Variants in LRP6 observed in about 807,000 individuals in gnomAD.
LRP6 encodes the protein low-density lipoprotein receptor-related protein 6.
In LRP6, 43 loss-of-function variants were observed where a neutral mutation model predicts 184.1. The ratio of observed to expected loss-of-function variants is 0.23; its 90% CI spans 0.18 to 0.30. LRP6 has a LOEUF of 0.30. LRP6 is among the 10% of genes least tolerant of loss of function. The probability of loss-of-function intolerance (pLI) is 1.00; values close to 1 mark genes in which losing one functional copy is unlikely to be tolerated. For synonymous variants in LRP6, 719 were observed against 684.9 expected (o/e 1.05, Z -0.78); for missense variants, 1,571 against 2,005.3 (o/e 0.78, Z 4.14).
chr12:12,172,772 C>T (rs769871415), intron 7 of LRP6, among the ~76,000 whole-genome samples: 6 of 152,028 alleles, frequency 3.9e-5, no homozygotes, highest in Admixed American at 1.3e-4. Flanking sequence ...TATTTATCCA[C>T]GGAAATAACA....
At chr12:12,191,774 C>A (rs1863623423) in intron 3 of LRP6, among the ~76,000 whole-genome samples, 2 of 151,766 alleles carry the variant, frequency 1.3e-5, no homozygotes, top group South Asian at 4.1e-4. Flanking sequence ...TACAAAAATA[C>A]ATCATTTCAG....
Position 12,139,105 on chromosome 12 carries a change from C to A in LRP6, c.3398-571G>T, listed in dbSNP as rs756503951. The A allele has an allele frequency of 4.6e-5, 39 of 851,296 alleles. No individual in the cohort carries two copies. The South Asian group carries it at 6.6e-4, about 14-fold the overall frequency. 52.7% of individuals were successfully genotyped at this position (851,296 alleles called of 1,614,324 possible). A position where few individuals can be genotyped will look rare whatever the true frequency, so the allele number is the denominator to read the frequency against. On this transcript the variant is annotated intron_variant, in intron 15 of 22. Transcript: ENST00000261349. The stretch of plus-strand genomic sequence containing the variant: ...GGCTAAAATCTGTGTTCATACCCCC[C>A]ACCCTGCTTTATTCAGTTTCTCCCT...
At chr12:12,250,697 A>G (rs1397353122) in intron 1 of LRP6, among the ~76,000 whole-genome samples, 1 of 151,980 alleles carries the variant, frequency 6.6e-6, no homozygotes, top group Non-Finnish European at 1.5e-5. Flanking sequence ...ATCTCGGCTC[A>G]CTGCAACCTC....
chr12:12,151,388 C>T (rs1023567030), intron 12 of LRP6, among the ~76,000 whole-genome samples: 28 of 151,402 alleles, frequency 1.8e-4, no homozygotes, highest in Admixed American at 5.9e-4. Flanking sequence ...CCTATTCTGT[C>T]TGGTGGGTGG....
intron 2 of LRP6, among the ~76,000 whole-genome samples, chr12:12,218,476 CAATAATAATAATAAT>C (rs71435901): frequency 3.5e-3 from 484 of 140,012 alleles, no homozygotes; most frequent in Middle Eastern, 7.2e-3. Flanking sequence ...GACCCTCTCT[CAATAATAATAATAAT>C]AATAATAATA....
rs550587604 is a variant in LRP6 at position 12,119,990 on chromosome 12, AATATATATATATATATAT to A, written c.*1118_*1135del. 880 of 45,534 alleles carry A rather than the reference AATATATATATATATATAT, an allele frequency of 0.019. 35 individuals carry two copies. The highest frequency in any genetic ancestry group is 0.05 in the African/African-American group (524 of 10,580). The allele number at this position is 45,534 out of a possible 1,614,324, so 2.8% of individuals were successfully genotyped here. The stretch of plus-strand genomic sequence containing the variant: ...ACTCAGAAAACAAACAAACAAACAA[AATATATATATATATATAT>A]ATATATATATATATATATATATATA... On this transcript the variant is annotated 3_prime_UTR_variant, in exon 23 of 23. Coordinates refer to ENST00000261349, the MANE Select transcript of LRP6 (RefSeq NM_002336.3).
At chr12:12,202,563 A>G (rs1302048755) in intron 3 of LRP6, among the ~76,000 whole-genome samples, 4 of 152,180 alleles carry the variant, frequency 2.6e-5, no homozygotes, top group Admixed American at 6.5e-5. Flanking sequence ...GTAAATAAAT[A>G]AATAAAGTTT....
chr12:12,241,843 T>C (rs888252067), intron 2 of LRP6, among the ~76,000 whole-genome samples: 9 of 152,212 alleles, frequency 5.9e-5, no homozygotes, highest in African/African-American at 1.9e-4. Flanking sequence ...TAATCTTTTT[T>C]ATCAGCTAAG....
chr12:12,138,637 G>GAAA, intron 15 of LRP6, 103 bp from the exon 16 acceptor site: 2 of 1,117,734 alleles, frequency 1.8e-6, no homozygotes, highest in Non-Finnish European at 2.5e-6. Context: ...GTAGAGAAAA[G>GAAA]AAAAAAAAAA....
chr12:12,181,497 C>T, intron 5 of LRP6, 58 bp from the exon 6 acceptor site: 2 of 849,962 alleles, frequency 2.4e-6, no homozygotes, highest in South Asian at 1.3e-5. Context: ...AATTTACCTG[C>T]TCTAGATAAA....
At chr12:12,124,206 T>G (rs937274236) in intron 22 of LRP6, among the ~76,000 whole-genome samples, 2 of 152,210 alleles carry the variant, frequency 1.3e-5, no homozygotes, top group Non-Finnish European at 2.9e-5. Flanking sequence ...AAACCACGTT[T>G]CTACTAAAAA....
At chr12:12,259,262 C>CAAAA (rs535352023) in intron 1 of LRP6, among the ~76,000 whole-genome samples, 14 of 59,222 alleles carry the variant, frequency 2.4e-4, no homozygotes, top group African/African-American at 4.8e-4. Context: ...GACTCCATCT[C>CAAAA]AAAAAAAAAA....
intron 7 of LRP6, among the ~76,000 whole-genome samples, chr12:12,171,127 A>G (rs1863027170): frequency 6.6e-6 from 1 of 152,174 alleles, no homozygotes; most frequent in South Asian, 2.1e-4. Context: ...ATACTCTGAC[A>G]TTTTCCATAA....
At chr12:12,266,621 TACA>T (rs1427697844) in intron 1 of LRP6, 57 bp downstream of exon 1, 80 of 743,438 alleles carry the variant, frequency 1.1e-4, no homozygotes, top group Middle Eastern at 2.6e-4. Flanking sequence ...CCTAGACACA[TACA>T]ACAAGGCCAC....
At position 12,162,234 on chromosome 12, in the gene LRP6, G is replaced by T. The variant is rs895095403; in HGVS notation, c.2238C>A (p.Asp746Glu). 1.9e-6 allele frequency: 3 copies of T among 1,614,120 alleles called. No homozygotes were observed. The highest frequency in any genetic ancestry group is 2.5e-6 in the Non-Finnish European group (3 of 1,180,040). Reference sequence around the variant, plus strand: ...ACGCGAGAGCTCTGGGACTATCTAGGTCTTTCCACACCAAAACTTGTCGGT... The same window carrying T: ...ACGCGAGAGCTCTGGGACTATCTAGTTCTTTCCACACCAAAACTTGTCGGT... ...GQHRQVLVWK[D>E]LDSPRALALD... The change falls in exon 10 of 23, where the codon GAC becomes GAA. Residue 746 changes from aspartate to glutamate, a missense_variant. Physicochemically the swap from Asp to Glu is conservative, Grantham distance 45 (BLOSUM62 2). This residue lies in a region of LRP6 where 158 missense variants were observed against 258.4 expected (regional missense o/e 0.61). Transcript: ENST00000261349.
intron 1 of LRP6, 48 bp from the exon 2 acceptor site, chr12:12,244,703 T>C (rs1865142971): frequency 8.2e-6 from 13 of 1,587,698 alleles, no homozygotes; most frequent in Non-Finnish European, 1.1e-5. Flanking sequence ...AGAAAACGTA[T>C]TGGTTCTTAT....
Position 12,266,794 on chromosome 12 carries a change from G to A in LRP6, c.-59C>T, listed in dbSNP as rs1027717462. 70 of 1,439,394 alleles carry A rather than the reference G, an allele frequency of 4.9e-5. No homozygotes were observed. Among genetic ancestry groups the A allele is most frequent in the Non-Finnish European group, 6.2e-5 (64 of 1,038,434 alleles). The allele number at this position is 1,439,394 out of a possible 1,614,324, so 89.2% of individuals were successfully genotyped here. On this transcript the variant is annotated 5_prime_UTR_variant, in exon 1 of 23. Coordinates refer to ENST00000261349, the MANE Select transcript of LRP6 (RefSeq NM_002336.3). ...AGGGGTGGCCAGAAGTGGGGGAGGC[G>A]AGGAGCCGGGGCGGCCGCCGCAGCG... is the stretch of plus-strand genomic sequence containing the variant.
intron 15 of LRP6, among the ~76,000 whole-genome samples, chr12:12,144,379 C>T (rs1949973899): frequency 6.6e-6 from 1 of 152,202 alleles, no homozygotes; most frequent in South Asian, 2.1e-4. Context: ...CATGGTGGCT[C>T]ATGCCTGTAA....
At chr12:12,226,466 G>A (rs1864626708) in intron 2 of LRP6, among the ~76,000 whole-genome samples, 2 of 152,180 alleles carry the variant, frequency 1.3e-5, no homozygotes, top group Non-Finnish European at 2.9e-5. Flanking sequence ...AGAATAGACT[G>A]ATAATGTAAG....
Sources: gnomAD v4.1 joint callset for allele counts (sites outside exome capture counted in the v4.1 genomes callset) on GRCh38, gnomAD v4.1.1 for gene constraint, gnomAD v4.1.1 regional missense constraint, MANE v1.5 for transcripts, NCBI Gene and HGNC (gene_info 2026-07-23, HGNC 2026-07-21) for gene names.